PPP4R1: variants seen among roughly 807,000 people sequenced by gnomAD.
PPP4R1 encodes the protein serine/threonine-protein phosphatase 4 regulatory subunit 1.
PPP4R1 carries 42 observed loss-of-function variants against 111.2 expected under a neutral mutation model. The ratio of observed to expected loss-of-function variants is 0.38; its 90% confidence interval spans 0.29 to 0.49. The LOEUF (loss-of-function observed/expected upper bound fraction) is 0.49, where lower values mean the gene tolerates loss of function less well. Ranked by LOEUF, PPP4R1 falls within the 20% of genes least tolerant of loss-of-function variation. The pLI, the probability that PPP4R1 is intolerant of heterozygous loss-of-function variation, is 0.97. For synonymous variants in PPP4R1, 409 were observed against 405.5 expected (o/e 1.01, Z -0.10); for missense variants, 1,012 against 1,161.6 (o/e 0.87, Z 1.87).
chr18:9,588,898 A>T (rs370261344), intron 4 of PPP4R1, 45 bp from the exon 5 acceptor site: 801 of 1,596,566 alleles, frequency 5.0e-4, no homozygotes, highest in Non-Finnish European at 6.7e-4. Context: ...CTCCTGCAGC[A>T]ACAAAACCTT....
chr18:9,553,512 T>C (rs1329755529), intron 15 of PPP4R1, 90 bp from the exon 16 acceptor site: 7 of 786,690 alleles, frequency 8.9e-6, no homozygotes, highest in South Asian at 1.7e-5. Flanking sequence ...GTAAGCAATA[T>C]GGTTAATTCT....
Position 9,559,502 on chromosome 18 carries a change from G to A in PPP4R1, c.1945C>T (p.Leu649Phe). ...TEIAKHCAYSLPGVALTLGRQ... is the reference protein window; with the variant it reads ...TEIAKHCAYSFPGVALTLGRQ... ...CCGAGTGTCAAGGCCACACCAGGGAGGCTATATGCACAGTGCTTAGCAATT... is the reference window on the plus strand; with the variant it reads ...CCGAGTGTCAAGGCCACACCAGGGAAGCTATATGCACAGTGCTTAGCAATT... Residue 649 changes from leucine (L) to phenylalanine (F), a missense_variant, in exon 14 of 20, where the codon CTC becomes TTC. By Grantham distance (22) the Leu-to-Phe change is conservative. Coordinates refer to ENST00000400556, the MANE Select transcript of PPP4R1 (RefSeq NM_001042388.3). The A allele has an allele frequency of 6.2e-7, 1 of 1,613,978 alleles. No homozygotes were observed. The highest frequency in any genetic ancestry group is 8.5e-7 in the Non-Finnish European group (1 of 1,179,910).
At chr18:9,580,262 T>A (rs1347497656) in intron 9 of PPP4R1, among the ~76,000 whole-genome samples, 3 of 151,736 alleles carry the variant, frequency 2.0e-5, no homozygotes, top group African/African-American at 7.3e-5. Context: ...CCCCTGGAAA[T>A]GGCCCTAGGA....
intron 2 of PPP4R1, among the ~76,000 whole-genome samples, chr18:9,600,905 G>A (rs970948174): frequency 2.0e-5 from 3 of 151,862 alleles, no homozygotes; most frequent in African/African-American, 7.3e-5. Context: ...AAAAAAGCTG[G>A]AGTGGCTATA....
chr18:9,559,529 C>T lies in PPP4R1; in HGVS notation c.1918G>A (p.Glu640Lys), dbSNP rs754047924. Residue 640 changes from glutamate (E) to lysine (K), a missense_variant, in exon 14 of 20, where the codon GAA (glutamate) becomes AAA (lysine). By Grantham distance (56) the Glu-to-Lys change is moderately conservative. This residue lies in a region of PPP4R1 where 305 missense variants were observed against 419.5 expected (regional missense o/e 0.73). Transcript: ENST00000400556. ...CTATATGCACAGTGCTTAGCAATTTCAGTGTCAACCGTCTGTGCACGAGAA... is the reference window on the plus strand; with the variant it reads ...CTATATGCACAGTGCTTAGCAATTTTAGTGTCAACCGTCTGTGCACGAGAA... ...DPSRAQTVDT[E>K]IAKHCAYSLP... is the part of the protein sequence containing the mutation. 1 of 1,613,752 alleles carries T rather than the reference C, an allele frequency of 6.2e-7. No homozygotes were observed. The highest frequency in any genetic ancestry group is 1.1e-5 in the South Asian group (1 of 91,022).
At chr18:9,567,305 G>A (rs2066784713) in intron 11 of PPP4R1, among the ~76,000 whole-genome samples, 1 of 152,184 alleles carries the variant, frequency 6.6e-6, no homozygotes, top group African/African-American at 2.4e-5. Context: ...AATTAGGAGT[G>A]GAGCTTGAAA....
chr18:9,561,261 T>TAAC (rs890815608), intron 13 of PPP4R1, among the ~76,000 whole-genome samples: 12 of 137,210 alleles, frequency 8.7e-5, no homozygotes, highest in Non-Finnish European at 1.9e-4. Context: ...ATAATAATAA[T>TAAC]AAAGTCATAG....
intron 19 of PPP4R1, among the ~76,000 whole-genome samples, 176 bp downstream of exon 19, chr18:9,549,021 T>C (rs2066445542): frequency 6.6e-6 from 1 of 152,222 alleles, no homozygotes; most frequent in African/African-American, 2.4e-5. Context: ...AATTAAAAAA[T>C]CCCTTTCATC....
chr18:9,570,143 A>G lies in PPP4R1; in HGVS notation c.1573+14T>C. Reference sequence around the variant, plus strand: ...AATCAATTTCAGAATAAATAACTTGATTGACTTCCATACCTTTAACATCTG... The same window carrying G: ...AATCAATTTCAGAATAAATAACTTGGTTGACTTCCATACCTTTAACATCTG... On this transcript the variant is annotated intron_variant, in intron 11 of 19. Transcript: ENST00000400556. The G allele has an allele frequency of 6.7e-7, 1 of 1,483,360 alleles. No homozygotes were observed. Among genetic ancestry groups the G allele is most frequent in the Non-Finnish European group, 9.0e-7 (1 of 1,116,470 alleles). 91.9% of individuals were successfully genotyped at this position (1,483,360 alleles called of 1,614,324 possible). A position where few individuals can be genotyped will look rare whatever the true frequency, so the allele number is the denominator to read the frequency against.
intron 2 of PPP4R1, among the ~76,000 whole-genome samples, chr18:9,606,255 G>A (rs551224873): frequency 2.6e-5 from 4 of 152,284 alleles, no homozygotes; most frequent in Non-Finnish European, 5.9e-5. Flanking sequence ...ATAGCACAGT[G>A]AAGGGGTTGG....
intron 3 of PPP4R1, 138 bp downstream of exon 3, chr18:9,594,880 T>C: frequency 1.9e-6 from 2 of 1,045,756 alleles, no homozygotes; most frequent in Non-Finnish European, 2.7e-6. Flanking sequence ...GCTCATGCTG[T>C]GATTATGAAT....
At chr18:9,562,815 G>T in intron 12 of PPP4R1, 1 of 952,792 alleles carries the variant, frequency 1.0e-6, no homozygotes, top group Non-Finnish European at 1.2e-6. Context: ...AAGCAGCACT[G>T]ATACCAAATA....
chr18:9,596,266 C>A (rs1317525387), intron 2 of PPP4R1, among the ~76,000 whole-genome samples: 1 of 152,028 alleles, frequency 6.6e-6, no homozygotes, highest in Non-Finnish European at 1.5e-5. Flanking sequence ...ATGGAAACAC[C>A]ATGGGGTTGG....
Position 9,557,402 on chromosome 18 carries a change from T to A in PPP4R1, c.2029-20A>T. 1 of 1,579,412 alleles carries A rather than the reference T, an allele frequency of 6.3e-7. No homozygotes were observed. The highest frequency in any genetic ancestry group is 1.2e-5 in the South Asian group (1 of 85,340). On this transcript the variant is annotated intron_variant, in intron 14 of 19. Coordinates refer to ENST00000400556, the MANE Select transcript of PPP4R1 (RefSeq NM_001042388.3). ...TTTCCACTGCAGAAATGAAAACACA[T>A]TAGTAAGCTAACCACAAAGTACGCA... is the stretch of plus-strand genomic sequence containing the variant.
At position 9,553,374 on chromosome 18, in the gene PPP4R1, A is replaced by G. The variant is rs1315909569; in HGVS notation, c.2239T>C (p.Phe747Leu). 1.2e-6 allele frequency: 2 copies of G among 1,602,600 alleles called. No homozygotes were observed. The highest frequency in any genetic ancestry group is 2.2e-5 in the South Asian group (2 of 90,836). The change falls in exon 16 of 20, where the codon TTT becomes CTT. Residue 747 changes from phenylalanine to leucine, a missense_variant. Physicochemically the swap from Phe to Leu is conservative, Grantham distance 22. This residue lies in a region of PPP4R1 where 305 missense variants were observed against 419.5 expected (regional missense o/e 0.73). Transcript: ENST00000400556. Reference sequence around the variant, plus strand: ...TTTCTACTATTATCTGTCACCAAAAACTCCTGAAGTTGATAAAGATATTCT... The same window carrying G: ...TTTCTACTATTATCTGTCACCAAAAGCTCCTGAAGTTGATAAAGATATTCT... ...RREYLYQLQE[F>L]LVTDNSRNWR...
intron 10 of PPP4R1, among the ~76,000 whole-genome samples, chr18:9,570,919 ATTAG>A: frequency 6.6e-6 from 1 of 152,344 alleles, no homozygotes; most frequent in African/African-American, 2.4e-5. Context: ...AGCAATATAT[ATTAG>A]TTAGAGAAGG....
chr18:9,549,959 G>C (rs2066462638), intron 18 of PPP4R1, 93 bp downstream of exon 18: 5 of 1,532,056 alleles, frequency 3.3e-6, no homozygotes, highest in South Asian at 1.2e-5. Context: ...TTCCTTAAGA[G>C]TAAGGAAGAG....
intron 16 of PPP4R1, 65 bp from the exon 17 acceptor site, chr18:9,550,463 C>T: frequency 6.7e-7 from 1 of 1,493,142 alleles, no homozygotes; most frequent in Non-Finnish European, 9.1e-7. Flanking sequence ...AATAGGTTAC[C>T]CATTTAAATC....
intron 2 of PPP4R1, among the ~76,000 whole-genome samples, chr18:9,602,695 T>C (rs1050559221): frequency 6.6e-6 from 1 of 151,512 alleles, no homozygotes; most frequent in Admixed American, 6.6e-5. Context: ...TCCCATCTCT[T>C]CTAAAAATAC....
Sources: gnomAD v4.1 joint callset for allele counts (sites outside exome capture counted in the v4.1 genomes callset) on GRCh38, gnomAD v4.1.1 for gene constraint, gnomAD v4.1.1 regional missense constraint, MANE v1.5 for transcripts, NCBI Gene and HGNC (gene_info 2026-07-23, HGNC 2026-07-21) for gene names.